NTAN1: variants seen among roughly 807,000 people sequenced by gnomAD.
NTAN1 encodes N-terminal asparagine amidase, also known as protein N-terminal asparagine amidohydrolase.
A neutral mutation model predicts 41.9 loss-of-function variants in NTAN1; 32 were observed. The ratio of observed to expected loss-of-function variants is 0.76; its 90% confidence interval spans 0.58 to 1.03. NTAN1 has a LOEUF of 1.03. Ranked by LOEUF, NTAN1 falls within the 50% of genes least tolerant of loss-of-function variation. The probability of loss-of-function intolerance (pLI) is 0.00; values close to 1 mark genes in which losing one functional copy is unlikely to be tolerated. For synonymous variants in NTAN1, 140 were observed against 139.5 expected (o/e 1.00, Z -0.03); for missense variants, 377 against 377.5 (o/e 1.00, Z 0.01).
intron 3 of NTAN1, 110 bp from the exon 4 acceptor site, chr16:15,047,660 G>A: frequency 1.0e-6 from 1 of 952,738 alleles, no homozygotes. Flanking sequence ...TATCCTGTAG[G>A]GGAAAAACGG....
Position 15,047,445 on chromosome 16 carries a change from C to CCA in NTAN1, c.354_355dup (p.Gly119ValfsTer39). The CCA allele has an allele frequency of 1.3e-6, 2 of 1,591,502 alleles. No individual in the cohort carries two copies. Among genetic ancestry groups the CCA allele is most frequent in the Non-Finnish European group, 1.7e-6 (2 of 1,159,604 alleles). ...ATGAGAGCAGCGTAGATCTCACCTT[C>CCA]CACATTGAGCGTGGTCAGAAAAGGA... On this transcript the variant is annotated frameshift_variant, in exon 4 of 10. Transcript: ENST00000287706. LOFTEE classifies it high-confidence loss of function.
chr16:15,051,795 G>C (rs549222475), intron 1 of NTAN1, among the ~76,000 whole-genome samples: 1 of 150,522 alleles, frequency 6.6e-6, no homozygotes, highest in East Asian at 1.9e-4. Flanking sequence ...CAAACTCCTG[G>C]GCTCAAGCAA....
intron 4 of NTAN1, chr16:15,045,123 C>CA (rs71150202): frequency 0.34 from 33,356 of 98,346 alleles, 5,424 homozygotes; most frequent in Admixed American, 0.47. Flanking sequence ...GACTCTATCT[C>CA]AAAAAAAAAA....
At chr16:15,040,427 C>T (rs2043761916) in intron 7 of NTAN1, 1 of 227,442 alleles carries the variant, frequency 4.4e-6, no homozygotes, top group Non-Finnish European at 8.5e-6. Context: ...TGAATCTTCA[C>T]AATTTAGTAT....
At chr16:15,041,492 AG>A in intron 6 of NTAN1, 130 bp downstream of exon 6, 1 of 760,098 alleles carries the variant, frequency 1.3e-6, no homozygotes, top group Admixed American at 1.8e-5. Context: ...ATCCCACCAC[AG>A]GAAGAGCCGG....
chr16:15,048,750 A>C (rs969153324), intron 1 of NTAN1, among the ~76,000 whole-genome samples: 10 of 152,040 alleles, frequency 6.6e-5, no homozygotes, highest in African/African-American at 2.4e-4. Flanking sequence ...TAGCCTCCCA[A>C]ATAGCTGGGA....
chr16:15,053,225 G>A (rs1294452957), intron 1 of NTAN1, among the ~76,000 whole-genome samples: 1 of 152,238 alleles, frequency 6.6e-6, no homozygotes, highest in African/African-American at 2.4e-5. Context: ...TCCAATCCTG[G>A]CTTCACCACT....
intron 1 of NTAN1, among the ~76,000 whole-genome samples, chr16:15,055,348 C>T (rs2044464833): frequency 6.6e-6 from 1 of 152,200 alleles, no homozygotes; most frequent in South Asian, 2.1e-4. Context: ...CTCTCTCTCC[C>T]GGCTAAAAAT....
intron 6 of NTAN1, 64 bp from the exon 7 acceptor site, chr16:15,041,185 G>T: frequency 9.2e-7 from 1 of 1,084,538 alleles, no homozygotes; most frequent in Non-Finnish European, 1.4e-6. Flanking sequence ...TTTTTACTTT[G>T]TATAATAAAG....
chr16:15,056,003 A>AGGC lies in NTAN1; in HGVS notation c.-35_-33dup, dbSNP rs1248637323. 6 of 1,159,426 alleles carry AGGC rather than the reference A, an allele frequency of 5.2e-6. No individual in the cohort carries two copies. The highest frequency in any genetic ancestry group is 4.3e-5 in the South Asian group (1 of 23,360). The allele number at this position is 1,159,426 out of a possible 1,614,324, so 71.8% of individuals were successfully genotyped here. A position where few individuals can be genotyped will look rare whatever the true frequency, so the allele number is the denominator to read the frequency against. ...GGCGGCCGCCCAGGCAGGCCCAGGGAGGCGGCGGCCCCCCGCTTTGCAGCC... is the reference window on the plus strand; with the variant it reads ...GGCGGCCGCCCAGGCAGGCCCAGGGAGGCGGCGGCGGCCCCCCGCTTTGCAGCC... On this transcript the variant is annotated 5_prime_UTR_variant, in exon 1 of 10. Coordinates refer to ENST00000287706, the MANE Select transcript of NTAN1 (RefSeq NM_173474.4).
intron 1 of NTAN1, among the ~76,000 whole-genome samples, chr16:15,050,802 C>G (rs117260760): frequency 0.011 from 1,720 of 152,204 alleles, 16 homozygotes; most frequent in Non-Finnish European, 0.018. Flanking sequence ...TGATTACTTA[C>G]ATGGTGTTTT....
Position 15,055,947 on chromosome 16 carries a change from G to A in NTAN1, c.25C>T (p.Arg9Ter), listed in dbSNP as rs1263778279. Residue 9 changes from arginine to a stop codon, truncating the protein, a stop_gained, in exon 1 of 10, where the codon CGA (arginine) becomes TGA (stop). Transcript: ENST00000287706. LOFTEE classifies it high-confidence loss of function. MPLLVEGR[R>*]VRLPQSAGDL... ...CCGGCTGACTGCGGCAGCCGCACTC[G>A]CCGCCCCTCGACGAGCAGCGGCATC... 5.7e-6 allele frequency: 7 copies of A among 1,230,820 alleles called. No individual in the cohort carries two copies. The highest frequency in any genetic ancestry group is 6.1e-6 in the Non-Finnish European group (6 of 986,322). 76.2% of individuals were successfully genotyped at this position (1,230,820 alleles called of 1,614,324 possible). A position where few individuals can be genotyped will look rare whatever the true frequency, so the allele number is the denominator to read the frequency against.
At position 15,047,877 on chromosome 16, in the gene NTAN1, G is replaced by A. The variant is rs765223432; in HGVS notation, c.228C>T (p.His76=). ...TACCTGTGTGCCTCAGGACCACAAT[G>A]TGACAAGTAGTGGCATCATCAGAAC... ...ILGSDDATTC[H]IVVLRHTGNG... Residue 76 remains histidine, a synonymous_variant, in exon 3 of 10, where the codon CAC becomes CAT. Transcript: ENST00000287706. 8.7e-6 allele frequency: 14 copies of A among 1,613,516 alleles called. No homozygotes were observed. Among genetic ancestry groups the A allele is most frequent in the Non-Finnish European group, 1.0e-5 (12 of 1,179,402 alleles).
At chr16:15,043,456 C>G (rs1256163273) in intron 5 of NTAN1, among the ~76,000 whole-genome samples, 2 of 152,184 alleles carry the variant, frequency 1.3e-5, no homozygotes, top group Admixed American at 6.5e-5. Context: ...GAGGGAGGAT[C>G]ACTTGAGCCC....
intron 6 of NTAN1, among the ~76,000 whole-genome samples, 161 bp downstream of exon 6, chr16:15,041,462 G>C (rs781749543): frequency 5.9e-5 from 9 of 152,156 alleles, no homozygotes; most frequent in Non-Finnish European, 1.3e-4. Flanking sequence ...GTGGACGAGG[G>C]CAAGGGGAAG....
chr16:15,041,128 A>G lies in NTAN1; in HGVS notation c.488-7T>C. The G allele has an allele frequency of 1.3e-6, 2 of 1,512,518 alleles. No individual in the cohort carries two copies. Among genetic ancestry groups the G allele is most frequent in the Non-Finnish European group, 1.8e-6 (2 of 1,087,340 alleles). The allele number at this position is 1,512,518 out of a possible 1,614,324, so 93.7% of individuals were successfully genotyped here. ...TCTTCCCGGTCATTTAATTCTACAA[A>G]ATAAGAATGTTTAAGATACACTTTT... On this transcript the variant is annotated splice_polypyrimidine_tract_variant and splice_region_variant and intron_variant, in intron 6 of 9. Coordinates refer to ENST00000287706, the MANE Select transcript of NTAN1 (RefSeq NM_173474.4).
intron 4 of NTAN1, chr16:15,046,157 T>G (rs910268200): frequency 6.6e-6 from 1 of 152,290 alleles, no homozygotes; most frequent in South Asian, 2.1e-4. Flanking sequence ...TGGGCCTGCA[T>G]GGGTCACGTG....
intron 8 of NTAN1, 93 bp downstream of exon 8, chr16:15,039,876 G>A (rs1306988841): frequency 4.2e-6 from 3 of 719,966 alleles, no homozygotes; most frequent in Non-Finnish European, 7.3e-6. Flanking sequence ...GAAGCTGACA[G>A]CATAAACTTT....
rs769303140 is a variant in NTAN1 at position 15,038,587 on chromosome 16, T to C, written c.740A>G (p.Lys247Arg). The change falls in exon 9 of 10, where the codon AAG (lysine) becomes AGG (arginine). Residue 247 changes from lysine to arginine, a missense_variant. Coordinates refer to ENST00000287706, the MANE Select transcript of NTAN1 (RefSeq NM_173474.4). ...GTAAACTCTCACCTCTAGTATTTGC[T>C]TGTCATCTTGGTGCAACCAGAAATC... ...HVDFWLHQDD[K>R]QILENLSTSP... is the part of the protein sequence containing the mutation. The C allele has an allele frequency of 1.3e-6, 2 of 1,580,620 alleles. No individual in the cohort carries two copies. The highest frequency in any genetic ancestry group is 4.5e-5 in the East Asian group (2 of 44,728).
Sources: allele counts gnomAD v4.1 joint callset (sites outside exome capture counted in the v4.1 genomes callset), GRCh38; gene constraint gnomAD v4.1.1; transcripts MANE v1.5; gene names NCBI Gene and HGNC (gene_info 2026-07-23, HGNC 2026-07-21).